The following FRMD3 variants were observed in gnomAD, a reference collection of about 807,000 sequenced individuals.
FRMD3 encodes FERM domain-containing protein 3.
In FRMD3, 33 loss-of-function variants were observed where a neutral mutation model predicts 70.2. The observed-to-expected ratio is 0.47, with a 90% CI of 0.36 to 0.63. FRMD3 has a LOEUF of 0.63. FRMD3 is among the 20% of genes least tolerant of loss of function. The probability of loss-of-function intolerance (pLI) is 0.00; values close to 1 mark genes in which losing one functional copy is unlikely to be tolerated. For missense variants in FRMD3, 632 were observed against 711.4 expected, an observed-to-expected ratio of 0.89 and a Z score of 1.27; for synonymous variants, 279 against 255.9, an observed-to-expected ratio of 1.09 and a Z score of -0.86.
chr9:83,326,556 G>A (rs1212494928), intron 6 of FRMD3, among the ~76,000 whole-genome samples: 1 of 152,142 alleles, frequency 6.6e-6, no homozygotes, highest in Admixed American at 6.5e-5. Context: ...TAGGACTGGA[G>A]ACTCCTGAGG....
chr9:83,352,939 G>T (rs932033790), intron 3 of FRMD3, among the ~76,000 whole-genome samples: 1 of 152,160 alleles, frequency 6.6e-6, no homozygotes, highest in Non-Finnish European at 1.5e-5. Flanking sequence ...CATTTGCTGG[G>T]ATATGATCAC....
chr9:83,423,221 C>A (rs772908101), intron 1 of FRMD3, among the ~76,000 whole-genome samples: 1 of 152,134 alleles, frequency 6.6e-6, no homozygotes, highest in African/African-American at 2.4e-5. Flanking sequence ...TTGTTTAATG[C>A]AGGTGTTTCA....
At chr9:83,310,442 T>G in intron 9 of FRMD3, 43 bp downstream of exon 9, 1 of 1,479,032 alleles carries the variant, frequency 6.8e-7, no homozygotes, top group South Asian at 1.2e-5. Context: ...ATCTCTCTCA[T>G]GCACACACAA....
intron 4 of FRMD3, among the ~76,000 whole-genome samples, chr9:83,346,954 C>A (rs534469432): frequency 7.4e-4 from 112 of 152,230 alleles, no homozygotes; most frequent in African/African-American, 2.6e-3. Context: ...TAAATCTTAG[C>A]CCTTTTTAAG....
At chr9:83,406,314 G>A (rs1013688409) in intron 1 of FRMD3, among the ~76,000 whole-genome samples, 1 of 152,200 alleles carries the variant, frequency 6.6e-6, no homozygotes, top group Non-Finnish European at 1.5e-5. Flanking sequence ...CAAGTTAGAA[G>A]ATGAGAAGGA....
At chr9:83,560,391 T>C in the FRMD3 span, among the ~76,000 whole-genome samples, 5 of 152,196 alleles carry the variant, frequency 3.3e-5, no homozygotes, top group Non-Finnish European at 7.4e-5. Flanking sequence ...AAAGAGACAC[T>C]GCCCTTTCAG....
intron 1 of FRMD3, among the ~76,000 whole-genome samples, chr9:83,458,502 A>G (rs1356825680): frequency 2.6e-5 from 4 of 152,220 alleles, no homozygotes; most frequent in African/African-American, 9.6e-5. Context: ...TACTCAGCTC[A>G]AGACCCTTGC....
the FRMD3 span, among the ~76,000 whole-genome samples, chr9:83,553,390 T>C: frequency 2.0e-5 from 3 of 152,220 alleles, no homozygotes; most frequent in African/African-American, 7.2e-5. Context: ...ACTTTCTCTC[T>C]AGCTGCCTTT....
At chr9:83,557,511 C>T in the FRMD3 span, among the ~76,000 whole-genome samples, 1 of 152,122 alleles carries the variant, frequency 6.6e-6, no homozygotes, top group Non-Finnish European at 1.5e-5. Flanking sequence ...GAAAGATGTC[C>T]CCCATCAGAT....
At chr9:83,290,934 A>G (rs943651639) in intron 12 of FRMD3, among the ~76,000 whole-genome samples, 1 of 152,172 alleles carries the variant, frequency 6.6e-6, no homozygotes, top group African/African-American at 2.4e-5. Context: ...CCTATGTTCT[A>G]CTGCAACTCA....
At chr9:83,289,055 C>A (rs1279212285) in intron 13 of FRMD3, among the ~76,000 whole-genome samples, 1 of 152,196 alleles carries the variant, frequency 6.6e-6, no homozygotes, top group East Asian at 1.9e-4. Flanking sequence ...TAGCCACACC[C>A]TCCTTCATTT....
At chr9:83,325,638 T>C (rs1029465951) in intron 6 of FRMD3, among the ~76,000 whole-genome samples, 1 of 152,212 alleles carries the variant, frequency 6.6e-6, no homozygotes, top group African/African-American at 2.4e-5. Context: ...AAAATTCATT[T>C]AAATTGCAAC....
At chr9:83,260,395 C>T (rs967802893) in intron 13 of FRMD3, among the ~76,000 whole-genome samples, 2 of 152,062 alleles carry the variant, frequency 1.3e-5, no homozygotes, top group Non-Finnish European at 2.9e-5. Context: ...ATCTGAGAAG[C>T]CCAGAGAGAC....
intron 1 of FRMD3, among the ~76,000 whole-genome samples, chr9:83,392,305 T>C (rs1224795457): frequency 6.6e-6 from 1 of 152,138 alleles, no homozygotes; most frequent in Non-Finnish European, 1.5e-5. Flanking sequence ...CAGTCCCACA[T>C]TCTTCGCCTG....
At chr9:83,277,857 C>T (rs966056208) in intron 13 of FRMD3, among the ~76,000 whole-genome samples, 3 of 152,168 alleles carry the variant, frequency 2.0e-5, no homozygotes, top group African/African-American at 4.8e-5. Flanking sequence ...TTAGCTCTTA[C>T]TTTGTACCGG....
At chr9:83,301,853 T>C (rs946494504) in intron 10 of FRMD3, among the ~76,000 whole-genome samples, 2 of 152,252 alleles carry the variant, frequency 1.3e-5, no homozygotes, top group Non-Finnish European at 2.9e-5. Context: ...AGTAGCTGTA[T>C]GCTCAGGATG....
chr9:83,272,527 C>T (rs546052256), intron 13 of FRMD3, among the ~76,000 whole-genome samples: 1 of 152,118 alleles, frequency 6.6e-6, no homozygotes, highest in South Asian at 2.1e-4. Flanking sequence ...CCGGCCGCCA[C>T]CCCCTCTGGG....
At chr9:83,490,677 A>C (rs1828796675) in intron 1 of FRMD3, among the ~76,000 whole-genome samples, 1 of 152,032 alleles carries the variant, frequency 6.6e-6, no homozygotes, top group Non-Finnish European at 1.5e-5. Context: ...AGAATACTTT[A>C]GGGGGAAAAT....
chr9:83,547,247 A>C, the FRMD3 span, among the ~76,000 whole-genome samples: 1 of 148,738 alleles, frequency 6.7e-6, no homozygotes. Context: ...TAATGATCAT[A>C]TAATTATTAT....
Sources: allele counts gnomAD v4.1 joint callset (sites outside exome capture counted in the v4.1 genomes callset), GRCh38; gene constraint gnomAD v4.1.1; transcripts MANE v1.5; gene names NCBI Gene and HGNC (gene_info 2026-07-23, HGNC 2026-07-21).